AGAP1: variants seen among roughly 807,000 people sequenced by gnomAD.
AGAP1 encodes the protein ArfGAP with GTPase domain, ankyrin repeat and PH domain 1.
A neutral mutation model predicts 105.3 loss-of-function variants in AGAP1; 29 were observed. The observed-to-expected ratio is 0.28, with a 90% CI of 0.21 to 0.38. AGAP1 has a LOEUF of 0.38. Among genes scored for constraint, AGAP1 ranks in the 10% least tolerant of loss-of-function variants. The probability of loss-of-function intolerance (pLI) is 1.00; values close to 1 mark genes in which losing one functional copy is unlikely to be tolerated. For missense variants in AGAP1, 998 were observed against 1,165.1 expected (o/e 0.86, Z 2.09); for synonymous variants, 509 against 485.9 (o/e 1.05, Z -0.63).
intron 3 of AGAP1, among the ~76,000 whole-genome samples, chr2:235,738,543 T>TTTTC (rs545551935): frequency 9.5e-4 from 144 of 151,710 alleles, no homozygotes; most frequent in East Asian, 6.0e-3. Context: ...CAAATGTTAT[T>TTTTC]TTTCTTTCTT....
Position 235,857,632 on chromosome 2 carries a change from C to A in AGAP1, c.1051-25713C>A, listed in dbSNP as rs139403136. ...TCACATGTATACATTGTCTGTTTCTCCACATATACACCATAACAGAAATGA... is the reference window on the plus strand; with the variant it reads ...TCACATGTATACATTGTCTGTTTCTACACATATACACCATAACAGAAATGA... On this transcript the variant is annotated intron_variant, in intron 9 of 17. Coordinates refer to ENST00000304032, the MANE Select transcript of AGAP1 (RefSeq NM_001037131.3). Among the ~76,000 whole-genome samples, 1,110 of 152,324 alleles carry A rather than the reference C, an allele frequency of 7.3e-3. 5 individuals are homozygous for A. The highest frequency in any genetic ancestry group is 0.017 in the Middle Eastern group (5 of 294).
chr2:236,040,635 A>G lies in AGAP1; in HGVS notation c.1801-116A>G. ...TCAAAACAAGAGTGATTGTTTAGAA[A>G]TTACCCTCGTCCTACATTTGCTCCC... On this transcript the variant is annotated intron_variant, in intron 14 of 17. Transcript: ENST00000304032. The surrounding 1 kb of genome is among the most constrained non-coding windows in gnomAD (Gnocchi z 5.6). 1.2e-6 allele frequency: 1 copy of G among 850,512 alleles called. No individual in the cohort carries two copies. The highest frequency in any genetic ancestry group is 1.7e-5 in the South Asian group (1 of 58,398). 52.7% of individuals were successfully genotyped at this position (850,512 alleles called of 1,614,324 possible).
At chr2:235,783,801 A>G (rs1191365939) in intron 6 of AGAP1, among the ~76,000 whole-genome samples, 2 of 152,140 alleles carry the variant, frequency 1.3e-5, no homozygotes, top group Non-Finnish European at 2.9e-5. Context: ...GTTACACGGC[A>G]TCTGTCAACA....
intron 6 of AGAP1, among the ~76,000 whole-genome samples, chr2:235,786,762 C>G (rs1956665477): frequency 6.6e-6 from 1 of 152,194 alleles, no homozygotes; most frequent in South Asian, 2.1e-4. Flanking sequence ...GAGCACAGCT[C>G]TCTTACTCTG....
chr2:235,751,072 G>C lies in AGAP1; in HGVS notation c.673+584G>C, dbSNP rs2149714403. ...TTCAGGAACAGCCACAAATCAGACA[G>C]AAAATTCTCCTAGGAGAGCATGAGG... On this transcript the variant is annotated intron_variant, in intron 6 of 17. Coordinates refer to ENST00000304032, the MANE Select transcript of AGAP1 (RefSeq NM_001037131.3). The surrounding 1 kb of genome is among the most constrained non-coding windows in gnomAD (Gnocchi z 5.3). Among the ~76,000 whole-genome samples, 1 of 152,246 alleles carries C rather than the reference G, an allele frequency of 6.6e-6. No homozygotes were observed. The highest frequency in any genetic ancestry group is 2.4e-5 in the African/African-American group (1 of 41,546).
chr2:235,501,983 A>G (rs1409838105), intron 1 of AGAP1, among the ~76,000 whole-genome samples: 1 of 152,078 alleles, frequency 6.6e-6, no homozygotes, highest in African/African-American at 2.4e-5. Flanking sequence ...TCTTTGCAGC[A>G]TCTGTTATTT....
rs1416291007 is a variant in AGAP1, at chr2:236,087,250, G to A, written c.2115-32942G>A. ...CTTCTCATTATGGAGCCCATCAGGG[G>A]ACAGGGCATTCCAGTGTTATTTAGG... On this transcript the variant is annotated intron_variant, in intron 16 of 17. Transcript: ENST00000304032. The surrounding 1 kb of genome is among the most constrained non-coding windows in gnomAD (Gnocchi z 5.7). 6.6e-6 allele frequency among the ~76,000 whole-genome samples: 1 copy of A among 151,998 alleles called. No individual in the cohort carries two copies. The highest frequency in any genetic ancestry group is 6.6e-5 in the Admixed American group (1 of 15,260).
At chr2:235,832,380 C>A (rs184875436) in intron 9 of AGAP1, among the ~76,000 whole-genome samples, 349 of 152,254 alleles carry the variant, frequency 2.3e-3, no homozygotes, top group Non-Finnish European at 4.0e-3. Context: ...TGTAACATAT[C>A]ATTAGCATTT....
intron 1 of AGAP1, among the ~76,000 whole-genome samples, chr2:235,676,166 GA>G (rs1311403512): frequency 5.9e-5 from 9 of 152,212 alleles, no homozygotes; most frequent in Non-Finnish European, 1.3e-4. Context: ...GGAGGAGATG[GA>G]AAAGATTGAA....
rs373457404 is a variant in AGAP1, at chr2:235,931,434, C to CATTATT, written c.1483+527_1483+532dup. Among the ~76,000 whole-genome samples, 39 of 151,532 alleles carry CATTATT rather than the reference C, an allele frequency of 2.6e-4. No individual in the cohort carries two copies. Among genetic ancestry groups the CATTATT allele is most frequent in the Non-Finnish European group, 4.9e-4 (33 of 67,888 alleles). On this transcript the variant is annotated intron_variant, in intron 12 of 17. Coordinates refer to ENST00000304032, the MANE Select transcript of AGAP1 (RefSeq NM_001037131.3). This position sits in a 1 kb window ranked among gnomAD's most constrained non-coding sequence, Gnocchi z 5.6. ...TCCTTCAGTTTTCAAATTCCTTTGG[C>CATTATT]ATTATTATTATTATTATTATTTTGA...
rs1351073855 is a variant in AGAP1 at position 235,610,551 on chromosome 2, C to T, written c.164-98628C>T. On this transcript the variant is annotated intron_variant, in intron 1 of 17. Coordinates refer to ENST00000304032, the MANE Select transcript of AGAP1 (RefSeq NM_001037131.3). This position sits in a 1 kb window ranked among gnomAD's most constrained non-coding sequence, Gnocchi z 4.9. ...GGGTGCTAATTCCATCATGAGGGCC[C>T]CATCCTTATGACCTTGTCCAACCCT... Among the ~76,000 whole-genome samples, 1 of 152,116 alleles carries T rather than the reference C, an allele frequency of 6.6e-6. No individual in the cohort carries two copies.
rs1407331239 is a variant in AGAP1 at position 235,633,957 on chromosome 2, T to C, written c.164-75222T>C. Among the ~76,000 whole-genome samples, 1 of 151,994 alleles carries C rather than the reference T, an allele frequency of 6.6e-6. No homozygotes were observed. The highest frequency in any genetic ancestry group is 1.5e-5 in the Non-Finnish European group (1 of 68,000). ...CTGCATCTGAGGGTGGCCTTTACTT[T>C]GGGGTATCAGTTTTCCGAGCCCCAG... On this transcript the variant is annotated intron_variant, in intron 1 of 17. Coordinates refer to ENST00000304032, the MANE Select transcript of AGAP1 (RefSeq NM_001037131.3). The surrounding 1 kb of genome is among the most constrained non-coding windows in gnomAD (Gnocchi z 4.8).
chr2:235,584,911 T>TC (rs1945054051), intron 1 of AGAP1, among the ~76,000 whole-genome samples: 1 of 149,030 alleles, frequency 6.7e-6, no homozygotes, highest in Non-Finnish European at 1.5e-5. Flanking sequence ...CCTTTTTTTT[T>TC]TTTTTTTTTT....
chr2:236,013,317 C>A (rs1011111333), intron 13 of AGAP1, among the ~76,000 whole-genome samples: 4 of 152,186 alleles, frequency 2.6e-5, no homozygotes, highest in Non-Finnish European at 4.4e-5. Flanking sequence ...TCATCCCAGG[C>A]GCCTAGTCAT....
In AGAP1 at chr2:235,555,728, C is replaced by T. The variant is rs551665470; in HGVS notation, c.163+60879C>T. Among the ~76,000 whole-genome samples the T allele has an allele frequency of 1.3e-5, 2 of 152,280 alleles. No homozygotes were observed. The highest frequency in any genetic ancestry group is 3.9e-4 in the East Asian group (2 of 5,186). The stretch of plus-strand genomic sequence containing the variant: ...GTCAGTCTCCTTCTGTGATTCAGAC[C>T]GTAGTGAAGCCCTGGTTGGCTGAAG... On this transcript the variant is annotated intron_variant, in intron 1 of 17. Transcript: ENST00000304032. This position sits in a 1 kb window ranked among gnomAD's most constrained non-coding sequence, Gnocchi z 5.1.
At position 235,965,935 on chromosome 2, in the gene AGAP1, A is replaced by T. The variant is rs1394401235; in HGVS notation, c.1484-2527A>T. Among the ~76,000 whole-genome samples, 1 of 152,108 alleles carries T rather than the reference A, an allele frequency of 6.6e-6. No individual in the cohort carries two copies. The highest frequency in any genetic ancestry group is 1.5e-5 in the Non-Finnish European group (1 of 68,018). On this transcript the variant is annotated intron_variant, in intron 12 of 17. Coordinates refer to ENST00000304032, the MANE Select transcript of AGAP1 (RefSeq NM_001037131.3). The surrounding 1 kb of genome is among the most constrained non-coding windows in gnomAD (Gnocchi z 5.8). Reference sequence around the variant, plus strand: ...GCTAGGAATGTTCATTTAGCAAGAGAGGGGAGCCCATTCCTCTAGGGATGG... The same window carrying T: ...GCTAGGAATGTTCATTTAGCAAGAGTGGGGAGCCCATTCCTCTAGGGATGG...
intron 6 of AGAP1, among the ~76,000 whole-genome samples, chr2:235,778,420 G>C (rs1472652746): frequency 6.6e-6 from 1 of 152,142 alleles, no homozygotes; most frequent in African/African-American, 2.4e-5. Context: ...CTGTGCTGTG[G>C]GTCCTGAGAG....
At chr2:235,945,833 C>T (rs968709851) in intron 12 of AGAP1, among the ~76,000 whole-genome samples, 2 of 143,930 alleles carry the variant, frequency 1.4e-5, no homozygotes. Context: ...GGGGGTGCCT[C>T]GGGAAACTTA....
At chr2:235,949,195 T>C (rs11688022) in intron 12 of AGAP1, among the ~76,000 whole-genome samples, 13,141 of 152,146 alleles carry the variant, frequency 0.086, 1,446 homozygotes, top group African/African-American at 0.25. Flanking sequence ...GCACGTTGAG[T>C]TCCCTAAACC....
Sources: gnomAD v4.1 joint callset for allele counts (sites outside exome capture counted in the v4.1 genomes callset) on GRCh38, gnomAD v4.1.1 for gene constraint, Gnocchi (gnomAD v3.1) non-coding constraint, MANE v1.5 for transcripts, NCBI Gene and HGNC (gene_info 2026-07-23, HGNC 2026-07-21) for gene names.